The following ATAD2B variants were observed in gnomAD, a reference collection of about 807,000 sequenced individuals.
ATAD2B encodes ATPase family AAA domain containing 2B.
In ATAD2B, 40 loss-of-function variants were observed where a neutral mutation model predicts 167.6. The observed-to-expected ratio is 0.24, with a 90% confidence interval of 0.19 to 0.31. The LOEUF is 0.31. ATAD2B is among the 10% of genes least tolerant of loss of function. The probability of loss-of-function intolerance (pLI) is 1.00; values close to 1 mark genes in which losing one functional copy is unlikely to be tolerated. For missense variants in ATAD2B, 1,242 were observed against 1,757.2 expected (o/e 0.71, Z 5.24); for synonymous variants, 579 against 596.5 (o/e 0.97, Z 0.43).
At chr2:23,800,042 G>C (rs1683229389) in intron 18 of ATAD2B, 1 of 150,886 alleles carries the variant, frequency 6.6e-6, no homozygotes, top group African/African-American at 2.4e-5. Context: ...TTGGCAAAAG[G>C]AAAGAACCAT....
At chr2:23,881,518 CG>C (rs1697899379) in intron 6 of ATAD2B, among the ~76,000 whole-genome samples, 1 of 150,186 alleles carries the variant, frequency 6.7e-6, no homozygotes, top group African/African-American at 2.4e-5. Flanking sequence ...CGTGCCACCA[CG>C]CCCGGCTCAT....
In ATAD2B at chr2:23,781,333, AAAATAAAT is replaced by A. The variant is rs57132440; in HGVS notation, c.3133+1528_3133+1535del. ...ACATGAACATTGTCCTGACCACAAA[AAAATAAAT>A]AAATAAATAAATAAATAAATAAATA... On this transcript the variant is annotated intron_variant, in intron 22 of 27. Transcript: ENST00000238789. 8.9e-3 allele frequency among the ~76,000 whole-genome samples: 1,287 copies of A among 144,550 alleles called. 9 individuals are homozygous for A. The highest frequency in any genetic ancestry group is 0.021 in the Middle Eastern group (6 of 282). 94.8% of individuals were successfully genotyped at this position (144,550 alleles called of 152,430 possible).
intron 6 of ATAD2B, chr2:23,883,587 G>A (rs1290876512): frequency 1.6e-6 from 2 of 1,283,836 alleles, no homozygotes. Context: ...TTATAAATCT[G>A]TCTCACCTAT....
chr2:23,741,041 T>G, the ATAD2B span, among the ~76,000 whole-genome samples: 5 of 151,930 alleles, frequency 3.3e-5, no homozygotes, highest in Non-Finnish European at 5.9e-5. Context: ...CACTGCTCAA[T>G]GAAATAAAAG....
chr2:23,890,748 A>G (rs1699358207), intron 2 of ATAD2B, among the ~76,000 whole-genome samples: 1 of 152,228 alleles, frequency 6.6e-6, no homozygotes, highest in Non-Finnish European at 1.5e-5. Flanking sequence ...ATTCCACAAA[A>G]GAAATCTAAA....
chr2:23,686,994 G>T, the ATAD2B span, among the ~76,000 whole-genome samples: 3 of 152,292 alleles, frequency 2.0e-5, no homozygotes, highest in African/African-American at 7.2e-5. Context: ...AAATCATAGA[G>T]AATTTCACAT....
rs546872258 is a variant in ATAD2B, at chr2:23,762,229, T to C, written c.3374A>G (p.Asn1125Ser). The change falls in exon 24 of 28, where the codon AAC becomes AGC. Residue 1125 changes from asparagine to serine, a missense_variant. Around this residue, in one of 9 missense-constraint regions of ATAD2B, gnomAD observed 204 missense variants for 324.0 expected, o/e 0.63. Coordinates refer to ENST00000238789, the MANE Select transcript of ATAD2B (RefSeq NM_017552.4). The stretch of plus-strand genomic sequence containing the variant: ...CTCACATGCACATTTATTTGCAGAG[T>C]TGTGCCACACATCCATTGGATTTCT... ...KQRNPMDVWH[N>S]SANKCAFRVR... 1.2e-6 allele frequency: 2 copies of C among 1,613,550 alleles called. No homozygotes were observed. Among genetic ancestry groups the C allele is most frequent in the Admixed American group, 1.7e-5 (1 of 59,978 alleles).
At chr2:23,698,076 C>G in the ATAD2B span, 1 of 152,258 alleles carries the variant, frequency 6.6e-6, no homozygotes, top group African/African-American at 2.4e-5. Flanking sequence ...GAGACAAGCT[C>G]TACTCTTCCA....
chr2:23,917,279 T>C (rs1300276835), intron 1 of ATAD2B, among the ~76,000 whole-genome samples: 1 of 152,228 alleles, frequency 6.6e-6, no homozygotes, highest in Admixed American at 6.5e-5. Flanking sequence ...GAACATACTT[T>C]CTGGGTATTT....
chr2:23,687,652 A>G, the ATAD2B span, among the ~76,000 whole-genome samples: 3 of 152,064 alleles, frequency 2.0e-5, no homozygotes, highest in Non-Finnish European at 4.4e-5. Context: ...GCTGTGGGGG[A>G]GGGTCATTCA....
chr2:23,755,542 G>T (rs1418268627), intron 25 of ATAD2B, among the ~76,000 whole-genome samples: 2 of 152,146 alleles, frequency 1.3e-5, no homozygotes, highest in Non-Finnish European at 2.9e-5. Context: ...TTAAGAGGAG[G>T]ATGAGTGAGG....
chr2:23,789,062 A>C (rs1165916065), intron 19 of ATAD2B, among the ~76,000 whole-genome samples: 2 of 151,948 alleles, frequency 1.3e-5, no homozygotes, highest in Non-Finnish European at 2.9e-5. Flanking sequence ...CTCCCTATCC[A>C]TTGACTTCCC....
chr2:23,742,645 G>A, the ATAD2B span, among the ~76,000 whole-genome samples: 3 of 151,826 alleles, frequency 2.0e-5, no homozygotes, highest in African/African-American at 7.3e-5. Context: ...CATGGCACAT[G>A]TATACATATG....
intron 18 of ATAD2B, among the ~76,000 whole-genome samples, chr2:23,808,012 ATAT>A (rs1191419566): frequency 8.0e-4 from 79 of 99,220 alleles, no homozygotes; most frequent in African/African-American, 2.9e-3. Flanking sequence ...TAATTTATAT[ATAT>A]TATTTATTTA....
At chr2:23,889,570 AC>A (rs1464083121) in intron 2 of ATAD2B, among the ~76,000 whole-genome samples, 2 of 152,182 alleles carry the variant, frequency 1.3e-5, no homozygotes, top group African/African-American at 4.8e-5. Flanking sequence ...AATATATTGT[AC>A]ATCACAATAC....
intron 7 of ATAD2B, 147 bp from the exon 8 acceptor site, chr2:23,876,051 T>C (rs1696772521): frequency 9.7e-6 from 6 of 615,962 alleles, no homozygotes; most frequent in South Asian, 7.9e-5. Context: ...TGGAATGCAG[T>C]GGCGCGATCT....
chr2:23,823,618 G>C, intron 15 of ATAD2B, 49 bp from the exon 16 acceptor site: 2 of 1,500,182 alleles, frequency 1.3e-6, no homozygotes, highest in African/African-American at 2.8e-5. Flanking sequence ...ATTATTCCAT[G>C]CACCAACTAT....
At chr2:23,773,956 G>A (rs1001839340) in intron 22 of ATAD2B, among the ~76,000 whole-genome samples, 8 of 152,154 alleles carry the variant, frequency 5.3e-5, no homozygotes, top group Admixed American at 1.3e-4. Flanking sequence ...AATAGAAGCA[G>A]TACTTTAATG....
chr2:23,901,254 GA>G (rs1206298378), intron 1 of ATAD2B: 1 of 152,192 alleles, frequency 6.6e-6, no homozygotes, highest in Non-Finnish European at 1.5e-5. Context: ...CTGTGATACA[GA>G]AACTAGTACC....
Sources: allele counts gnomAD v4.1 joint callset (sites outside exome capture counted in the v4.1 genomes callset), GRCh38; gene constraint gnomAD v4.1.1; regional missense constraint gnomAD v4.1.1; transcripts MANE v1.5; gene names NCBI Gene and HGNC (gene_info 2026-07-23, HGNC 2026-07-21).